The following PHKB variants were observed in gnomAD, a reference collection of about 807,000 sequenced individuals.
PHKB encodes phosphorylase kinase regulatory subunit beta.
A neutral mutation model predicts 152.1 loss-of-function variants in PHKB; 122 were observed. The observed-to-expected ratio is 0.80, with a 90% CI of 0.69 to 0.93. The LOEUF is 0.93. Ranked by LOEUF, PHKB falls within the 40% of genes least tolerant of loss-of-function variation. The pLI, the probability that PHKB is intolerant of heterozygous loss-of-function variation, is 0.00. For missense variants in PHKB, 1,304 were observed against 1,328.4 expected, an observed-to-expected ratio of 0.98 and a Z score of 0.29; for synonymous variants, 436 against 464.9, an observed-to-expected ratio of 0.94 and a Z score of 0.80.
At chr16:47,598,401 A>G (rs1972160884) in intron 13 of PHKB, among the ~76,000 whole-genome samples, 1 of 152,194 alleles carries the variant, frequency 6.6e-6, no homozygotes, top group African/African-American at 2.4e-5. Flanking sequence ...TTTCTTTAAT[A>G]ATTTTCAAAT....
intron 14 of PHKB, among the ~76,000 whole-genome samples, chr16:47,626,873 A>G (rs554124678): frequency 6.6e-6 from 1 of 152,320 alleles, no homozygotes; most frequent in Admixed American, 6.5e-5. Context: ...CCTACAGCCA[A>G]ATGATAGAAA....
chr16:47,488,622 C>A (rs906570548), intron 1 of PHKB, among the ~76,000 whole-genome samples: 4 of 152,104 alleles, frequency 2.6e-5, no homozygotes, highest in Admixed American at 2.0e-4. Flanking sequence ...GATTTTTATA[C>A]ATGGTAAAAG....
intron 1 of PHKB, among the ~76,000 whole-genome samples, chr16:47,487,036 A>G: frequency 6.6e-6 from 1 of 152,216 alleles, no homozygotes; most frequent in East Asian, 1.9e-4. Context: ...AAAATTAGAG[A>G]ATCATTAATG....
chr16:47,493,851 A>G (rs1970189719), intron 1 of PHKB, among the ~76,000 whole-genome samples: 1 of 152,236 alleles, frequency 6.6e-6, no homozygotes, highest in African/African-American at 2.4e-5. Flanking sequence ...AAAAGGTTGA[A>G]AAACTCCAAC....
At chr16:47,595,177 A>G (rs1972096555) in intron 12 of PHKB, among the ~76,000 whole-genome samples, 1 of 152,220 alleles carries the variant, frequency 6.6e-6, no homozygotes, top group Non-Finnish European at 1.5e-5. Context: ...AATATTTAGT[A>G]TTAGATCTTT....
intron 1 of PHKB, among the ~76,000 whole-genome samples, chr16:47,492,074 G>A (rs1184297618): frequency 4.6e-5 from 7 of 152,122 alleles, no homozygotes; most frequent in Non-Finnish European, 1.0e-4. Context: ...TCAAAAAATG[G>A]CAAAGGTCCT....
At position 47,660,533 on chromosome 16, in the gene PHKB, C is replaced by T; in HGVS notation, c.1999C>T (p.Gln667Ter). 6.2e-7 allele frequency: 1 copy of T among 1,613,672 alleles called. No homozygotes were observed. The highest frequency in any genetic ancestry group is 8.5e-7 in the Non-Finnish European group (1 of 1,179,604). ...QTLISGAVVE[Q>*]LDFLRISDTE... Reference sequence around the variant, plus strand: ...ACTAATATCTGGAGCTGTGGTAGAACAACTTGATTTCCTACGAATCAGTGA... The same window carrying T: ...ACTAATATCTGGAGCTGTGGTAGAATAACTTGATTTCCTACGAATCAGTGA... Residue 667 changes from glutamine (Q) to a stop codon, truncating the protein, a stop_gained, in exon 21 of 31, where the codon CAA becomes TAA. Coordinates refer to ENST00000323584, the MANE Select transcript of PHKB (RefSeq NM_000293.3). LOFTEE classifies it high-confidence loss of function.
At chr16:47,683,168 G>A (rs971822899) in intron 26 of PHKB, among the ~76,000 whole-genome samples, 23 of 152,182 alleles carry the variant, frequency 1.5e-4, no homozygotes, top group African/African-American at 5.3e-4. Flanking sequence ...GTGTCAGTCT[G>A]CCCCTACTGG....
At chr16:47,665,178 C>T in intron 25 of PHKB, 1 of 551,574 alleles carries the variant, frequency 1.8e-6, no homozygotes, top group South Asian at 2.1e-5. Flanking sequence ...AATATAAATG[C>T]TTTTTATAAG....
In PHKB at chr16:47,593,417, G is replaced by A. The variant is rs111834605; in HGVS notation, c.1069-83G>A. ...ATTGTGCCACTGCACTCCAGCCTGG[G>A]CCACAGAGTGAGATCTTGTCTCAAA... is the stretch of plus-strand genomic sequence containing the variant. On this transcript the variant is annotated intron_variant, in intron 10 of 30. Coordinates refer to ENST00000323584, the MANE Select transcript of PHKB (RefSeq NM_000293.3). 3.5e-5 allele frequency: 28 copies of A among 789,316 alleles called. 1 individual carries two copies. Among genetic ancestry groups the A allele is most frequent in the African/African-American group, 2.9e-4 (17 of 58,458 alleles). 48.9% of individuals were successfully genotyped at this position (789,316 alleles called of 1,614,324 possible).
chr16:47,564,888 T>C (rs935888892), intron 7 of PHKB, among the ~76,000 whole-genome samples: 9 of 152,298 alleles, frequency 5.9e-5, no homozygotes, highest in Non-Finnish European at 1.2e-4. Context: ...TGTGCTTTGC[T>C]AAAGATGAGT....
intron 20 of PHKB, 23 bp downstream of exon 20, chr16:47,650,944 G>T: frequency 6.8e-7 from 1 of 1,477,958 alleles, no homozygotes; most frequent in Non-Finnish European, 9.5e-7. Flanking sequence ...TTTTCAGTAT[G>T]CATCTATTTT....
chr16:47,509,844 C>A (rs1271342264), intron 4 of PHKB, among the ~76,000 whole-genome samples: 1 of 152,152 alleles, frequency 6.6e-6, no homozygotes, highest in Non-Finnish European at 1.5e-5. Flanking sequence ...TGTTGCAATT[C>A]TTCCAGTAAT....
intron 14 of PHKB, among the ~76,000 whole-genome samples, chr16:47,619,846 T>C (rs1026151172): frequency 6.6e-6 from 1 of 152,184 alleles, no homozygotes; most frequent in African/African-American, 2.4e-5. Flanking sequence ...TATTGATTTA[T>C]TGTATTTTGC....
intron 1 of PHKB, among the ~76,000 whole-genome samples, chr16:47,470,093 C>T (rs1018953975): frequency 1.3e-5 from 2 of 152,098 alleles, no homozygotes; most frequent in South Asian, 4.1e-4. Context: ...GTTGGGGAGA[C>T]CCTAACCCAG....
At chr16:47,640,038 A>T (rs1166774898) in intron 14 of PHKB, among the ~76,000 whole-genome samples, 1 of 152,196 alleles carries the variant, frequency 6.6e-6, no homozygotes, top group Non-Finnish European at 1.5e-5. Context: ...TTACACATTC[A>T]TTTAAATCAC....
intron 1 of PHKB, among the ~76,000 whole-genome samples, chr16:47,481,703 G>C (rs1443577308): frequency 6.6e-6 from 1 of 152,120 alleles, no homozygotes; most frequent in Non-Finnish European, 1.5e-5. Flanking sequence ...ACTGTGTGTT[G>C]CTTTATTTAA....
At chr16:47,588,304 T>TA (rs762697540) in intron 9 of PHKB, among the ~76,000 whole-genome samples, 112 of 139,792 alleles carry the variant, frequency 8.0e-4, no homozygotes, top group East Asian at 2.6e-3. Context: ...AGATTATCAT[T>TA]AAAAAAAAAA....
At chr16:47,637,296 T>C (rs1256920273) in intron 14 of PHKB, among the ~76,000 whole-genome samples, 1 of 152,164 alleles carries the variant, frequency 6.6e-6, no homozygotes, top group East Asian at 1.9e-4. Flanking sequence ...GGACAAGAAC[T>C]TGGGACTCAC....
Sources: gnomAD v4.1 joint callset for allele counts (sites outside exome capture counted in the v4.1 genomes callset) on GRCh38, gnomAD v4.1.1 for gene constraint, MANE v1.5 for transcripts, NCBI Gene and HGNC (gene_info 2026-07-23, HGNC 2026-07-21) for gene names.